The following C19orf38 variants were observed in gnomAD, a reference collection of about 807,000 sequenced individuals.
The protein encoded by C19orf38 is chromosome 19 open reading frame 38.
In C19orf38, 14 loss-of-function variants were observed where a neutral mutation model predicts 26.6. The ratio of observed to expected loss-of-function variants is 0.53; its 90% confidence interval spans 0.35 to 0.82. The LOEUF (loss-of-function observed/expected upper bound fraction) is 0.82, where lower values mean the gene tolerates loss of function less well. C19orf38 is among the 40% of genes least tolerant of loss of function. The pLI, the probability that C19orf38 is intolerant of heterozygous loss-of-function variation, is 0.01. For synonymous variants in C19orf38, 132 were observed against 128.5 expected (o/e 1.03, Z -0.18); for missense variants, 261 against 299.5 (o/e 0.87, Z 0.95).
At chr19:10,866,611 G>A (rs1028909307) in intron 6 of C19orf38, among the ~76,000 whole-genome samples, 12 of 151,496 alleles carry the variant, frequency 7.9e-5, no homozygotes, top group Non-Finnish European at 1.2e-4. Context: ...TCAGCTTCCC[G>A]AGTAGCTTGG....
intron 1 of C19orf38, among the ~76,000 whole-genome samples, chr19:10,842,409 C>T (rs1276597542): frequency 2.0e-5 from 3 of 151,982 alleles, no homozygotes; most frequent in Non-Finnish European, 4.4e-5. Flanking sequence ...TACAGGTGCC[C>T]GCCACCATGC....
chr19:10,852,779 C>T (rs1049383807), intron 2 of C19orf38, among the ~76,000 whole-genome samples: 1 of 151,992 alleles, frequency 6.6e-6, no homozygotes, highest in African/African-American at 2.4e-5. Flanking sequence ...AGCAAGGATT[C>T]GATCTTTTCA....
chr19:10,859,777 G>A, intron 4 of C19orf38, 138 bp from the exon 5 acceptor site: 1 of 708,416 alleles, frequency 1.4e-6, no homozygotes, highest in South Asian at 1.7e-5. Flanking sequence ...CTCTTCTGTG[G>A]GGAAGACCCA....
At chr19:10,862,706 T>G (rs1021481294) in intron 5 of C19orf38, among the ~76,000 whole-genome samples, 1 of 152,066 alleles carries the variant, frequency 6.6e-6, no homozygotes, top group Non-Finnish European at 1.5e-5. Context: ...GGTGCATGCC[T>G]GTAATCCCAG....
intron 6 of C19orf38, among the ~76,000 whole-genome samples, chr19:10,863,442 ACAGG>A (rs897361519): frequency 2.5e-4 from 38 of 152,126 alleles, no homozygotes; most frequent in African/African-American, 8.9e-4. Flanking sequence ...TCTTGTGGCC[ACAGG>A]CAGGCAGGCC....
intron 1 of C19orf38, among the ~76,000 whole-genome samples, chr19:10,837,256 C>T (rs1599651151): frequency 6.6e-6 from 1 of 152,140 alleles, no homozygotes; most frequent in East Asian, 1.9e-4. Context: ...GATGTTTAGT[C>T]TTCAAAGATA....
chr19:10,857,046 T>G (rs1429823868), intron 3 of C19orf38, among the ~76,000 whole-genome samples: 1 of 151,754 alleles, frequency 6.6e-6, no homozygotes, highest in Non-Finnish European at 1.5e-5. Flanking sequence ...TCCTCCCACC[T>G]CAGCCTCCCA....
chr19:10,837,923 C>T (rs1307262849), intron 1 of C19orf38, among the ~76,000 whole-genome samples: 1 of 152,062 alleles, frequency 6.6e-6, no homozygotes, highest in Admixed American at 6.6e-5. Context: ...CCTCAGCCTC[C>T]TGAGTAGCTG....
rs139823906 is a variant in C19orf38 at position 10,848,913 on chromosome 19, G to A, written c.31+374G>A. Among the ~76,000 whole-genome samples, 419 of 152,074 alleles carry A rather than the reference G, an allele frequency of 2.8e-3. 11 individuals are homozygous for A. In the East Asian group the frequency reaches 0.055, roughly 20 times the overall value. On this transcript the variant is annotated intron_variant, in intron 1 of 6. Transcript: ENST00000397820. ...GGTGGGTGGGGGTTGGAGGCTGGAC[G>A]AGGGAGGGTTTGTATAGACCTCACC...
intron 2 of C19orf38, among the ~76,000 whole-genome samples, chr19:10,853,333 A>G (rs767124657): frequency 3.3e-5 from 5 of 151,488 alleles, no homozygotes; most frequent in East Asian, 1.9e-4. Context: ...GGTTCAAGCA[A>G]TTCTCCTGCC....
rs2073653447 is a variant in C19orf38 at position 10,858,356 on chromosome 19, C to T, written c.461+13C>T. ...TACAGAAGAAAAGGTGAGATCATCCCTGGAGACCCACAGAGGGTGGTTTGG... is the reference window on the plus strand; with the variant it reads ...TACAGAAGAAAAGGTGAGATCATCCTTGGAGACCCACAGAGGGTGGTTTGG... On this transcript the variant is annotated intron_variant, in intron 4 of 6. Transcript: ENST00000397820. 1 of 1,546,266 alleles carries T rather than the reference C, an allele frequency of 6.5e-7. No individual in the cohort carries two copies. Among genetic ancestry groups the T allele is most frequent in the Admixed American group, 2.0e-5 (1 of 50,574 alleles).
At chr19:10,860,472 T>C (rs2073685812) in intron 5 of C19orf38, among the ~76,000 whole-genome samples, 1 of 140,140 alleles carries the variant, frequency 7.1e-6, no homozygotes, top group African/African-American at 2.7e-5. Flanking sequence ...GAGGCGGAGG[T>C]TGCAGTCAGC....
intron 1 of C19orf38, 78 bp from the exon 2 acceptor site, chr19:10,850,181 C>T (rs1599660068): frequency 1.5e-6 from 2 of 1,365,896 alleles, no homozygotes; most frequent in East Asian, 5.2e-5. Flanking sequence ...GGAGGGTGGT[C>T]TACTTGCCCG....
Position 10,869,401 on chromosome 19 carries a change from C to T in C19orf38, c.*34C>T. Reference sequence around the variant, plus strand: ...ACTGGGGGACCCCTCTGTCTCCAGGCATTCGGGGGCCTGAGGTCCCTCCAG... The same window carrying T: ...ACTGGGGGACCCCTCTGTCTCCAGGTATTCGGGGGCCTGAGGTCCCTCCAG... On this transcript the variant is annotated 3_prime_UTR_variant, in exon 7 of 7. Coordinates refer to ENST00000397820, the MANE Select transcript of C19orf38 (RefSeq NM_001136482.3). The T allele has an allele frequency of 6.6e-7, 1 of 1,521,054 alleles. No homozygotes were observed. Among genetic ancestry groups the T allele is most frequent in the Non-Finnish European group, 8.8e-7 (1 of 1,133,462 alleles). The allele number at this position is 1,521,054 out of a possible 1,614,324, so 94.2% of individuals were successfully genotyped here.
Position 10,850,671 on chromosome 19 carries a change from T to G in C19orf38, c.340+104T>G, listed in dbSNP as rs1008115515. The G allele has an allele frequency of 3.2e-6, 4 of 1,241,290 alleles. No homozygotes were observed. The African/African-American group carries it at 4.5e-5, about 14-fold the overall frequency. 76.9% of individuals were successfully genotyped at this position (1,241,290 alleles called of 1,614,324 possible). ...AGGCCTTCCCAGAAAAAGCCAGGCT[T>G]ACACCCTGCCAGGACTTACTCGCCT... is the stretch of plus-strand genomic sequence containing the variant. On this transcript the variant is annotated intron_variant, in intron 2 of 6. Transcript: ENST00000397820.
At chr19:10,838,237 C>T (rs540552472) in intron 1 of C19orf38, among the ~76,000 whole-genome samples, 2 of 152,090 alleles carry the variant, frequency 1.3e-5, no homozygotes, top group South Asian at 2.1e-4. Context: ...AGTGAAACCC[C>T]GTCTCTACCA....
chr19:10,840,022 C>T (rs1304249576), intron 1 of C19orf38, among the ~76,000 whole-genome samples: 1 of 152,072 alleles, frequency 6.6e-6, no homozygotes, highest in Admixed American at 6.6e-5. Flanking sequence ...GTGCCTGGCC[C>T]CACAATTTCT....
chr19:10,836,827 A>C (rs141522530), intron 1 of C19orf38: 310 of 152,458 alleles, frequency 2.0e-3, no homozygotes, highest in Non-Finnish European at 3.3e-3. Context: ...AATTGAGATG[A>C]GGCTTGGTTC....
chr19:10,846,061 A>T (rs970156593), upstream of C19orf38, among the ~76,000 whole-genome samples: 1 of 150,264 alleles, frequency 6.7e-6, no homozygotes, highest in Non-Finnish European at 1.5e-5. Flanking sequence ...GGACACCTGT[A>T]GTCCCAGCTA....
Sources: allele counts gnomAD v4.1 joint callset (sites outside exome capture counted in the v4.1 genomes callset), GRCh38; gene constraint gnomAD v4.1.1; transcripts MANE v1.5; gene names NCBI Gene and HGNC (gene_info 2026-07-23, HGNC 2026-07-21).